FKBP5: variants seen among roughly 807,000 people sequenced by gnomAD.
The protein encoded by FKBP5 is FKBP prolyl isomerase 5.
In FKBP5, 23 loss-of-function variants were observed where a neutral mutation model predicts 50.5. That is an observed-to-expected ratio of 0.46 (90% CI 0.33 to 0.65). The LOEUF is 0.65. Among genes scored for constraint, FKBP5 ranks in the 30% least tolerant of loss-of-function variants. The pLI is 0.02. For synonymous variants in FKBP5, 176 were observed against 190.6 expected, an observed-to-expected ratio of 0.92 and a Z score of 0.63; for missense variants, 411 against 553.1, an observed-to-expected ratio of 0.74 and a Z score of 2.58.
At chr6:35,694,622 C>A (rs1262596299) in intron 2 of FKBP5, among the ~76,000 whole-genome samples, 1 of 152,132 alleles carries the variant, frequency 6.6e-6, no homozygotes, top group Non-Finnish European at 1.5e-5. Flanking sequence ...CATCTTAACT[C>A]AATTTCAGGG....
chr6:35,716,967 G>C, intron 2 of FKBP5, among the ~76,000 whole-genome samples: 1 of 152,160 alleles, frequency 6.6e-6, no homozygotes, highest in East Asian at 1.9e-4. Context: ...GAGGAGTGTG[G>C]CAGTGAGAGC....
intron 1 of FKBP5, among the ~76,000 whole-genome samples, chr6:35,655,962 C>T (rs937427753): frequency 8.5e-5 from 13 of 152,128 alleles, no homozygotes; most frequent in Non-Finnish European, 1.8e-4. Flanking sequence ...CAGTCAAGAA[C>T]AAAGGACCAC....
intron 8 of FKBP5, chr6:35,582,139 C>T: frequency 4.1e-6 from 4 of 984,812 alleles, no homozygotes; most frequent in Non-Finnish European, 4.8e-6. Context: ...CTCGAACATC[C>T]TTCTTCCCAA....
chr6:35,582,552 G>T, intron 8 of FKBP5: 1 of 619,456 alleles, frequency 1.6e-6, no homozygotes, highest in Non-Finnish European at 2.0e-6. Context: ...GGAACCAGAG[G>T]AGAGGCCCTC....
At chr6:35,693,302 AC>A (rs1279821111), upstream of FKBP5, among the ~76,000 whole-genome samples, 1 of 150,364 alleles carries the variant, frequency 6.7e-6, no homozygotes, top group Non-Finnish European at 1.5e-5. Context: ...AGCTGAGACT[AC>A]AGGTGCCCGC....
At chr6:35,672,960 A>G (rs1487133839) in intron 1 of FKBP5, among the ~76,000 whole-genome samples, 3 of 152,094 alleles carry the variant, frequency 2.0e-5, no homozygotes, top group African/African-American at 7.2e-5. Flanking sequence ...GTACTTGTAC[A>G]TTATGCAAAT....
At chr6:35,687,911 C>T (rs779761583) in intron 1 of FKBP5, among the ~76,000 whole-genome samples, 5 of 152,240 alleles carry the variant, frequency 3.3e-5, no homozygotes, top group Non-Finnish European at 7.3e-5. Context: ...AGCCACTCTG[C>T]ACCCTGACGC....
chr6:35,663,059 T>A (rs1207902881), intron 1 of FKBP5, among the ~76,000 whole-genome samples: 1 of 152,024 alleles, frequency 6.6e-6, no homozygotes, highest in Non-Finnish European at 1.5e-5. Context: ...AAGAGTAAAA[T>A]CAAGGCTGGT....
At chr6:35,594,913 T>TGAAA (rs1160156772) in intron 6 of FKBP5, among the ~76,000 whole-genome samples, 3 of 152,238 alleles carry the variant, frequency 2.0e-5, no homozygotes, top group East Asian at 3.8e-4. Flanking sequence ...TGAAAAGATC[T>TGAAA]GAAAGATTGA....
At chr6:35,597,787 C>T (rs1163016238) in intron 5 of FKBP5, among the ~76,000 whole-genome samples, 1 of 152,166 alleles carries the variant, frequency 6.6e-6, no homozygotes, top group African/African-American at 2.4e-5. Flanking sequence ...ATATAAACAT[C>T]TGTAACTGCA....
intron 2 of FKBP5, among the ~76,000 whole-genome samples, chr6:35,641,456 C>T (rs1478131696): frequency 2.0e-5 from 3 of 152,196 alleles, no homozygotes; most frequent in Non-Finnish European, 4.4e-5. Flanking sequence ...TCACCACAAA[C>T]ACATAATACA....
chr6:35,573,795 CTT>C lies in FKBP5; in HGVS notation c.*2038_*2039del. 1 of 152,252 alleles carries C rather than the reference CTT, an allele frequency of 6.6e-6. No homozygotes were observed. Among genetic ancestry groups the C allele is most frequent in the South Asian group, 2.1e-4 (1 of 4,820 alleles). 9.4% of individuals were successfully genotyped at this position (152,252 alleles called of 1,614,324 possible). On this transcript the variant is annotated 3_prime_UTR_variant, in exon 11 of 11. Coordinates refer to ENST00000357266, the MANE Select transcript of FKBP5 (RefSeq NM_004117.4). ...GATACAAGAATACGTGAAGTGTCTT[CTT>C]GAGTGGTAATGGGCACCCTGTAGTT...
intron 5 of FKBP5, among the ~76,000 whole-genome samples, chr6:35,614,841 C>T (rs1763595364): frequency 6.6e-6 from 1 of 152,014 alleles, no homozygotes; most frequent in Non-Finnish European, 1.5e-5. Context: ...TACATACAGG[C>T]TGGCCGGGCA....
chr6:35,593,313 G>A (rs982534966), intron 6 of FKBP5, among the ~76,000 whole-genome samples: 2 of 152,188 alleles, frequency 1.3e-5, no homozygotes, highest in African/African-American at 4.8e-5. Context: ...AGAGAATAGA[G>A]ATACAAATAA....
chr6:35,723,101 C>G (rs889894104), intron 1 of FKBP5, among the ~76,000 whole-genome samples: 2 of 151,934 alleles, frequency 1.3e-5, no homozygotes, highest in African/African-American at 4.8e-5. Context: ...GGCGTGGTGG[C>G]GGGGGCCTGT....
intron 6 of FKBP5, among the ~76,000 whole-genome samples, chr6:35,595,728 C>T (rs763391352): frequency 1.8e-4 from 27 of 149,900 alleles, no homozygotes; most frequent in Non-Finnish European, 3.3e-4. Flanking sequence ...CTAGCCTGGG[C>T]GACAGAGTGA....
At chr6:35,666,732 T>A (rs930267992) in intron 1 of FKBP5, among the ~76,000 whole-genome samples, 6 of 151,840 alleles carry the variant, frequency 4.0e-5, no homozygotes, top group African/African-American at 1.5e-4. Context: ...CTACTAAAAA[T>A]ACAAAAATTA....
At chr6:35,702,581 T>C (rs1484901448) in intron 2 of FKBP5, among the ~76,000 whole-genome samples, 1 of 151,538 alleles carries the variant, frequency 6.6e-6, no homozygotes, top group African/African-American at 2.4e-5. Flanking sequence ...ACTTCCCGAG[T>C]AGCTGGGACT....
chr6:35,709,153 T>C (rs1766371299), intron 2 of FKBP5, among the ~76,000 whole-genome samples: 1 of 152,178 alleles, frequency 6.6e-6, no homozygotes, highest in Non-Finnish European at 1.5e-5. Context: ...ACAATCATGA[T>C]GGAAGGCAAG....
Sources: allele counts gnomAD v4.1 joint callset (sites outside exome capture counted in the v4.1 genomes callset), GRCh38; gene constraint gnomAD v4.1.1; transcripts MANE v1.5; gene names NCBI Gene and HGNC (gene_info 2026-07-23, HGNC 2026-07-21).